The following CFAP263 variants were observed in gnomAD, a reference collection of about 807,000 sequenced individuals.
CFAP263 encodes the protein cilia- and flagella-associated protein 263.
chr16:58,276,826 T>A, the CFAP263 span, among the ~76,000 whole-genome samples: 2 of 152,232 alleles, frequency 1.3e-5, no homozygotes, highest in Admixed American at 1.3e-4. Context: ...AAAGAATGAG[T>A]AAATTCTTCA....
chr16:58,255,572 CTTT>C, the CFAP263 span, among the ~76,000 whole-genome samples: 1 of 140,932 alleles, frequency 7.1e-6, no homozygotes. Flanking sequence ...GCATTTCTTT[CTTT>C]TTTTTTTTTT....
At chr16:58,258,322 G>A in the CFAP263 span, 1 of 1,589,222 alleles carries the variant, frequency 6.3e-7, no homozygotes, top group Non-Finnish European at 8.6e-7. Flanking sequence ...ACACATCCTT[G>A]AAGATTGCTG....
the CFAP263 span, chr16:58,262,350 C>T: frequency 7.0e-6 from 11 of 1,574,470 alleles, no homozygotes; most frequent in Middle Eastern, 1.7e-4. Context: ...TCACAACTGA[C>T]GTATCATCTT....
the CFAP263 span, among the ~76,000 whole-genome samples, chr16:58,257,707 C>G: frequency 6.6e-6 from 1 of 150,674 alleles, no homozygotes; most frequent in South Asian, 2.1e-4. Flanking sequence ...CTATTTATTT[C>G]CCCACTAATC....
chr16:58,263,480 A>G, the CFAP263 span, among the ~76,000 whole-genome samples: 1 of 152,166 alleles, frequency 6.6e-6, no homozygotes, highest in African/African-American at 2.4e-5. Context: ...AAAACCTAAA[A>G]TATTTACTAT....
chr16:58,249,970 A>T, the CFAP263 span: 1 of 1,324,246 alleles, frequency 7.6e-7, no homozygotes, highest in Non-Finnish European at 1.1e-6. Flanking sequence ...CGGCACCCGG[A>T]GCTCCTGGGC....
the CFAP263 span, among the ~76,000 whole-genome samples, chr16:58,251,557 A>C: frequency 6.6e-6 from 1 of 152,038 alleles, no homozygotes; most frequent in Non-Finnish European, 1.5e-5. Flanking sequence ...ACACCCAGCT[A>C]ATTCTTGTAC....
At chr16:58,278,645 A>G in the CFAP263 span, 1 of 1,613,858 alleles carries the variant, frequency 6.2e-7, no homozygotes, top group Non-Finnish European at 8.5e-7. Flanking sequence ...GAGGTGAGCC[A>G]CGGGGAGCCC....
At chr16:58,259,466 G>A in the CFAP263 span, among the ~76,000 whole-genome samples, 2 of 152,144 alleles carry the variant, frequency 1.3e-5, no homozygotes, top group Non-Finnish European at 2.9e-5. Context: ...AACACGTCAA[G>A]CTTTAGATCC....
the CFAP263 span, chr16:58,262,448 C>A: frequency 6.2e-7 from 1 of 1,613,150 alleles, no homozygotes; most frequent in South Asian, 1.1e-5. Context: ...AGAGAACGCT[C>A]AATTTCTTGA....
At chr16:58,266,393 A>G in the CFAP263 span, among the ~76,000 whole-genome samples, 12 of 33,712 alleles carry the variant, frequency 3.6e-4, no homozygotes, top group Non-Finnish European at 4.6e-4. Flanking sequence ...ATATATATAT[A>G]TATATATATA....
At chr16:58,252,619 A>G in the CFAP263 span, 1 of 883,736 alleles carries the variant, frequency 1.1e-6, no homozygotes, top group South Asian at 1.6e-5. Context: ...GAGGAAACTA[A>G]GGCACCAAGG....
the CFAP263 span, chr16:58,280,856 G>T: frequency 8.4e-7 from 1 of 1,191,000 alleles, no homozygotes; most frequent in Non-Finnish European, 1.1e-6. Context: ...AATGTTTTAC[G>T]CTGGTTCTCA....
At chr16:58,278,536 T>C in the CFAP263 span, 1 of 1,614,068 alleles carries the variant, frequency 6.2e-7, no homozygotes, top group Non-Finnish European at 8.5e-7. Flanking sequence ...GCTGGCCGAG[T>C]TCCGGGCACC....
chr16:58,249,958 G>T, the CFAP263 span: 8 of 1,221,444 alleles, frequency 6.5e-6, no homozygotes, highest in South Asian at 1.0e-4. Context: ...ACGCGTGGCC[G>T]CCGGCACCCG....
At chr16:58,265,999 CGGCCCCACGTCTGACCCCATCAGTGT>C in the CFAP263 span, among the ~76,000 whole-genome samples, 2 of 152,172 alleles carry the variant, frequency 1.3e-5, no homozygotes, top group Admixed American at 6.5e-5. Context: ...CCCATCTCCC[CGGCCCCACGTCTGACCCCATCAGTGT>C]GGTCTCATTC....
the CFAP263 span, chr16:58,280,208 T>TG: frequency 1.6e-5 from 26 of 1,588,724 alleles, no homozygotes; most frequent in Non-Finnish European, 2.2e-5. Context: ...TTCAGTTTGG[T>TG]GGGGTAGCTC....
the CFAP263 span, chr16:58,280,909 C>T: frequency 1.5e-6 from 1 of 658,990 alleles, no homozygotes; most frequent in East Asian, 2.7e-5. Flanking sequence ...CAAATCTAGG[C>T]AGCCACCACC....
the CFAP263 span, among the ~76,000 whole-genome samples, chr16:58,269,378 G>GAAGAAAGAAAAGAAAGAAAGA: frequency 6.0e-4 from 89 of 149,342 alleles, no homozygotes; most frequent in Middle Eastern, 3.5e-3. Context: ...TTATTTATAA[G>GAAGAAAGAAAAGAAAGAAAGA]AAGAAAGGAA....
Sources: gnomAD v4.1 joint callset for allele counts (sites outside exome capture counted in the v4.1 genomes callset) on GRCh38, gnomAD v4.1.1 for gene constraint, MANE v1.5 for transcripts, NCBI Gene and HGNC (gene_info 2026-07-23, HGNC 2026-07-21) for gene names.